Variants in POU6F2 observed in about 807,000 individuals in gnomAD.
The protein encoded by POU6F2 is POU domain, class 6, transcription factor 2.
Under a neutral mutation model 71.3 loss-of-function variants are expected in POU6F2, and 31 were observed. The observed-to-expected ratio is 0.43, with a 90% CI of 0.33 to 0.59. POU6F2 has a LOEUF of 0.59. Ranked by LOEUF, POU6F2 falls within the 20% of genes least tolerant of loss-of-function variation. The pLI, the probability that POU6F2 is intolerant of heterozygous loss-of-function variation, is 0.04. For synonymous variants in POU6F2, 347 were observed against 355.7 expected (o/e 0.98, Z 0.27); for missense variants, 783 against 856.8 (o/e 0.91, Z 1.07).
At chr7:39,223,037 C>T (rs2128748740) in intron 4 of POU6F2, among the ~76,000 whole-genome samples, 1 of 152,286 alleles carries the variant, frequency 6.6e-6, no homozygotes. Flanking sequence ...AGTTTCTCCA[C>T]ATCCTTAACA....
chr7:39,192,391 G>A (rs1417815491), intron 2 of POU6F2, among the ~76,000 whole-genome samples: 2 of 152,152 alleles, frequency 1.3e-5, no homozygotes, highest in East Asian at 3.9e-4. Context: ...CTTTTGTAAA[G>A]AATGTGGTGT....
intron 4 of POU6F2, among the ~76,000 whole-genome samples, chr7:39,286,483 T>A (rs1784651876): frequency 6.6e-6 from 1 of 152,222 alleles, no homozygotes; most frequent in Non-Finnish European, 1.5e-5. Flanking sequence ...AATGTTCGAG[T>A]TACCCGTTCT....
intron 4 of POU6F2, among the ~76,000 whole-genome samples, chr7:39,315,093 A>T (rs777661391): frequency 6.6e-5 from 10 of 152,218 alleles, no homozygotes; most frequent in South Asian, 2.1e-4. Context: ...GCTTTATAGC[A>T]TAGAAAGAAA....
intron 2 of POU6F2, among the ~76,000 whole-genome samples, chr7:39,185,903 ATATATG>A (rs143001733): frequency 8.7e-5 from 13 of 149,284 alleles, no homozygotes; most frequent in Admixed American, 2.0e-4. Flanking sequence ...GTATATGTAT[ATATATG>A]TATATGTATA....
chr7:39,371,272 C>G (rs1258959623), intron 5 of POU6F2, among the ~76,000 whole-genome samples: 1 of 151,822 alleles, frequency 6.6e-6, no homozygotes, highest in Admixed American at 6.6e-5. Context: ...CTCCGCCTCC[C>G]GGGTTCAAGC....
At chr7:39,417,250 C>G (rs1787701227) in intron 6 of POU6F2, among the ~76,000 whole-genome samples, 1 of 152,176 alleles carries the variant, frequency 6.6e-6, no homozygotes, top group Non-Finnish European at 1.5e-5. Context: ...ATAATGCACC[C>G]AACTTTCTTA....
chr7:39,121,821 C>T (rs548761363), intron 2 of POU6F2, among the ~76,000 whole-genome samples: 1 of 152,314 alleles, frequency 6.6e-6, no homozygotes, highest in East Asian at 1.9e-4. Flanking sequence ...GCCTCAGCCT[C>T]TCTAGTAGCT....
intron 2 of POU6F2, among the ~76,000 whole-genome samples, chr7:39,144,521 C>G (rs574666432): frequency 6.0e-4 from 91 of 152,280 alleles, no homozygotes; most frequent in Non-Finnish European, 1.0e-3. Flanking sequence ...CTAAGTGTCT[C>G]TATAAGTAAA....
intron 1 of POU6F2, among the ~76,000 whole-genome samples, chr7:39,032,205 A>T (rs1789959546): frequency 6.6e-6 from 1 of 152,136 alleles, no homozygotes; most frequent in Non-Finnish European, 1.5e-5. Flanking sequence ...CTTATTTCTT[A>T]GGATTCTTAA....
intron 4 of POU6F2, among the ~76,000 whole-genome samples, chr7:39,338,452 GGACTGCTTGCATAGACCTA>G (rs1019800440): frequency 1.3e-5 from 2 of 152,086 alleles, no homozygotes; most frequent in Admixed American, 1.3e-4. Flanking sequence ...GCCACACACT[GGACTGCTTGCATAGACCTA>G]GAGCAGTTCA....
At chr7:39,462,086 C>T (rs992631981) in intron 9 of POU6F2, among the ~76,000 whole-genome samples, 2 of 152,140 alleles carry the variant, frequency 1.3e-5, no homozygotes, top group East Asian at 1.9e-4. Flanking sequence ...AGTCCTAAAA[C>T]GTGATTTTCT....
At chr7:39,254,276 C>T (rs891496663) in intron 4 of POU6F2, among the ~76,000 whole-genome samples, 6 of 152,062 alleles carry the variant, frequency 3.9e-5, no homozygotes, top group Non-Finnish European at 7.4e-5. Flanking sequence ...TTTAAACATT[C>T]GCAACGGCCT....
intron 6 of POU6F2, among the ~76,000 whole-genome samples, chr7:39,418,764 T>C (rs981596943): frequency 2.6e-5 from 4 of 151,154 alleles, no homozygotes; most frequent in Admixed American, 1.3e-4. Context: ...GAGCCTGGAT[T>C]TGAGCCCAGA....
chr7:39,314,739 A>G (rs1785230425), intron 4 of POU6F2, among the ~76,000 whole-genome samples: 1 of 152,230 alleles, frequency 6.6e-6, no homozygotes, highest in Admixed American at 6.5e-5. Context: ...TTGATTCTAA[A>G]GGATACATGA....
chr7:39,301,905 G>A (rs1784954779), intron 4 of POU6F2, among the ~76,000 whole-genome samples: 1 of 151,846 alleles, frequency 6.6e-6, no homozygotes, highest in Non-Finnish European at 1.5e-5. Context: ...GTAGTAATTT[G>A]TCTATAGTTT....
chr7:39,366,710 G>A (rs2115735043), intron 5 of POU6F2, among the ~76,000 whole-genome samples: 1 of 152,282 alleles, frequency 6.6e-6, no homozygotes, highest in South Asian at 2.1e-4. Context: ...GTGGGGCATA[G>A]TCTGAGAAGA....
At chr7:39,454,990 A>G (rs1375148972) in intron 8 of POU6F2, among the ~76,000 whole-genome samples, 1 of 151,942 alleles carries the variant, frequency 6.6e-6, no homozygotes, top group East Asian at 1.9e-4. Context: ...ATTACCAAAC[A>G]TGCAGATTAT....
At chr7:39,133,794 C>A (rs950240804) in intron 2 of POU6F2, among the ~76,000 whole-genome samples, 1 of 152,208 alleles carries the variant, frequency 6.6e-6, no homozygotes, top group Non-Finnish European at 1.5e-5. Context: ...AATGTACAGC[C>A]TGTGTAAGCT....
intron 4 of POU6F2, among the ~76,000 whole-genome samples, chr7:39,315,771 G>A (rs1275211470): frequency 6.6e-6 from 1 of 152,222 alleles, no homozygotes; most frequent in African/African-American, 2.4e-5. Flanking sequence ...CACGTTCAGT[G>A]TTTCGACTTC....
Sources: allele counts gnomAD v4.1 joint callset (sites outside exome capture counted in the v4.1 genomes callset), GRCh38; gene constraint gnomAD v4.1.1; transcripts MANE v1.5; gene names NCBI Gene and HGNC (gene_info 2026-07-23, HGNC 2026-07-21).